Variants in ROBO2 observed in about 807,000 individuals in gnomAD.
ROBO2 encodes roundabout homolog 2.
A neutral mutation model predicts 160.8 loss-of-function variants in ROBO2; 53 were observed. That is an observed-to-expected ratio of 0.33 (90% confidence interval 0.26 to 0.41). ROBO2 has a LOEUF of 0.41. Among genes scored for constraint, ROBO2 ranks in the 10% least tolerant of loss-of-function variants. The pLI, the probability that ROBO2 is intolerant of heterozygous loss-of-function variation, is 1.00. For missense variants in ROBO2, 1,577 were observed against 1,722.4 expected, an observed-to-expected ratio of 0.92 and a Z score of 1.49; for synonymous variants, 664 against 611.7, an observed-to-expected ratio of 1.09 and a Z score of -1.26.
At chr3:76,955,627 T>C (rs901140467) in intron 2 of ROBO2, among the ~76,000 whole-genome samples, 2 of 152,218 alleles carry the variant, frequency 1.3e-5, no homozygotes, top group Admixed American at 6.5e-5. Flanking sequence ...TTTTATATTC[T>C]TACTGGCCAA....
rs140836585 is a variant in ROBO2 at position 77,529,457 on chromosome 3, G to C, written c.934+6555G>C. On this transcript the variant is annotated intron_variant, in intron 6 of 25. Transcript: ENST00000461745. ...AAGCTAATGACTTTTCAAATGAAAAGGAAAAATCACCATTTAAAGTACAGA... is the reference window on the plus strand; with the variant it reads ...AAGCTAATGACTTTTCAAATGAAAACGAAAAATCACCATTTAAAGTACAGA... 2.7e-3 allele frequency among the ~76,000 whole-genome samples: 415 copies of C among 151,604 alleles called. 2 individuals are homozygous for C. The highest frequency in any genetic ancestry group is 9.4e-3 in the African/African-American group (389 of 41,434).
Position 76,685,749 on chromosome 3 carries a change from G to A in ROBO2, c.110-412265G>A, listed in dbSNP as rs532849996. ...TCATACACAGTTGGAACTTGTAACT[G>A]GAGCCTGAATATTTTCTTTGCAATT... On this transcript the variant is annotated intron_variant, in intron 2 of 26. Coordinates refer to the ROBO2 transcript ENST00000487694. 5.9e-5 allele frequency among the ~76,000 whole-genome samples: 9 copies of A among 152,214 alleles called. No individual in the cohort carries two copies. In the South Asian group the frequency reaches 1.9e-3, roughly 32 times the overall value.
chr3:76,980,916 T>C (rs780982098), intron 2 of ROBO2, among the ~76,000 whole-genome samples: 13 of 152,244 alleles, frequency 8.5e-5, no homozygotes, highest in Non-Finnish European at 1.9e-4. Context: ...GGATATTTTA[T>C]GTAAATTGAT....
intron 2 of ROBO2, among the ~76,000 whole-genome samples, chr3:76,514,077 TCTAC>T (rs1270977660): frequency 3.9e-5 from 6 of 152,226 alleles, no homozygotes; most frequent in Non-Finnish European, 5.9e-5. Flanking sequence ...TCTCTTTTAA[TCTAC>T]CTGTCACTCT....
At chr3:77,216,563 A>G (rs1037630276) in intron 2 of ROBO2, among the ~76,000 whole-genome samples, 1 of 152,114 alleles carries the variant, frequency 6.6e-6, no homozygotes, top group Non-Finnish European at 1.5e-5. Context: ...GCTCATGCTC[A>G]GTGCACTGCA....
intron 2 of ROBO2, among the ~76,000 whole-genome samples, chr3:77,310,949 C>T (rs2063494392): frequency 1.3e-5 from 2 of 151,892 alleles, no homozygotes; most frequent in Non-Finnish European, 2.9e-5. Flanking sequence ...TATGAGCACT[C>T]ATGAGTAATC....
intron 2 of ROBO2, among the ~76,000 whole-genome samples, chr3:77,230,254 G>T (rs2087002652): frequency 1.3e-5 from 2 of 151,838 alleles, no homozygotes; most frequent in African/African-American, 4.8e-5. Flanking sequence ...GGCTAATTTT[G>T]TTTCCTTTTT....
intron 11 of ROBO2, among the ~76,000 whole-genome samples, chr3:77,564,125 A>G (rs938505431): frequency 2.0e-5 from 3 of 152,158 alleles, no homozygotes; most frequent in Non-Finnish European, 4.4e-5. Flanking sequence ...ATTTAAGGTA[A>G]TGCTAGGTAC....
chr3:77,489,421 C>A (rs1483999816), intron 4 of ROBO2, among the ~76,000 whole-genome samples: 1 of 152,124 alleles, frequency 6.6e-6, no homozygotes, highest in African/African-American at 2.4e-5. Flanking sequence ...TCCTGCACCC[C>A]TGCTGAGTTC....
chr3:77,480,302 C>CA (rs34989735), intron 3 of ROBO2, among the ~76,000 whole-genome samples: 89,886 of 145,618 alleles, frequency 0.62, 27,483 homozygotes, highest in East Asian at 0.78. Flanking sequence ...AAATGAGTAC[C>CA]AAAAAAAAAA....
intron 2 of ROBO2, among the ~76,000 whole-genome samples, chr3:76,694,594 G>A (rs749325398): frequency 4.6e-5 from 7 of 151,510 alleles, no homozygotes; most frequent in Non-Finnish European, 8.8e-5. Context: ...TGTTTAAGTC[G>A]GGCACTTCAT....
At chr3:76,500,781 G>A (rs2080418958) in intron 2 of ROBO2, among the ~76,000 whole-genome samples, 1 of 152,148 alleles carries the variant, frequency 6.6e-6, no homozygotes, top group South Asian at 2.1e-4. Flanking sequence ...GTGATTTCGC[G>A]GTTCAAAATT....
At chr3:76,986,227 C>T (rs960620393) in intron 2 of ROBO2, among the ~76,000 whole-genome samples, 1 of 152,006 alleles carries the variant, frequency 6.6e-6, no homozygotes, top group African/African-American at 2.4e-5. Flanking sequence ...ACGCATTGAT[C>T]GATACAATTT....
chr3:77,330,706 G>A (rs1159065010), intron 2 of ROBO2, among the ~76,000 whole-genome samples: 1 of 152,120 alleles, frequency 6.6e-6, no homozygotes, highest in East Asian at 1.9e-4. Flanking sequence ...GAAAACTTTG[G>A]TGGGAGGTTT....
chr3:76,636,051 A>T (rs1405621777), intron 2 of ROBO2, among the ~76,000 whole-genome samples: 1 of 152,228 alleles, frequency 6.6e-6, no homozygotes, highest in Non-Finnish European at 1.5e-5. Context: ...CTACTTAATC[A>T]TTTGGACATA....
intron 2 of ROBO2, among the ~76,000 whole-genome samples, chr3:76,910,285 C>A (rs1179963462): frequency 6.6e-6 from 1 of 152,122 alleles, no homozygotes; most frequent in Non-Finnish European, 1.5e-5. Flanking sequence ...AAAACTAATA[C>A]ATCCTCAACA....
intron 2 of ROBO2, among the ~76,000 whole-genome samples, chr3:76,921,752 A>G (rs2076675818): frequency 6.6e-6 from 1 of 152,178 alleles, no homozygotes; most frequent in Non-Finnish European, 1.5e-5. Flanking sequence ...CAGTGAACAA[A>G]AGTAGACCAC....
At chr3:77,346,806 A>T (rs1423267395) in intron 2 of ROBO2, among the ~76,000 whole-genome samples, 2 of 152,108 alleles carry the variant, frequency 1.3e-5, no homozygotes, top group African/African-American at 2.4e-5. Context: ...AAGCCGGCAA[A>T]ACGATCAAGT....
intron 25 of ROBO2, among the ~76,000 whole-genome samples, chr3:77,645,606 A>G (rs1167178740): frequency 6.6e-6 from 1 of 152,202 alleles, no homozygotes; most frequent in African/African-American, 2.4e-5. Context: ...TCAGAAAAAT[A>G]GCATTACCAT....
Sources: allele counts gnomAD v4.1 joint callset (sites outside exome capture counted in the v4.1 genomes callset), GRCh38; gene constraint gnomAD v4.1.1; transcripts MANE v1.5; gene names NCBI Gene and HGNC (gene_info 2026-07-23, HGNC 2026-07-21).